PLPP4: variants seen among roughly 807,000 people sequenced by gnomAD.
The protein encoded by PLPP4 is phospholipid phosphatase 4.
In PLPP4, 20 loss-of-function variants were observed where a neutral mutation model predicts 32.2. The ratio of observed to expected loss-of-function variants is 0.62; its 90% CI spans 0.44 to 0.90. PLPP4 has a LOEUF of 0.90. PLPP4 is among the 40% of genes least tolerant of loss of function. The pLI, the probability that PLPP4 is intolerant of heterozygous loss-of-function variation, is 0.00. For synonymous variants in PLPP4, 127 were observed against 133.0 expected (o/e 0.95, Z 0.31); for missense variants, 257 against 353.1 (o/e 0.73, Z 2.18).
intron 6 of PLPP4, among the ~76,000 whole-genome samples, chr10:120,588,171 C>T (rs1384861953): frequency 2.0e-5 from 3 of 152,236 alleles, no homozygotes; most frequent in Non-Finnish European, 4.4e-5. Context: ...AGATTTTCCA[C>T]TGGACTAGAA....
intron 5 of PLPP4, among the ~76,000 whole-genome samples, chr10:120,559,626 T>G (rs560967032): frequency 1.3e-4 from 19 of 150,942 alleles, no homozygotes; most frequent in Non-Finnish European, 2.6e-4. Flanking sequence ...TGGATTTTTT[T>G]TTTCAATGAA....
At chr10:120,579,953 A>G (rs965785314) in intron 6 of PLPP4, among the ~76,000 whole-genome samples, 1 of 151,098 alleles carries the variant, frequency 6.6e-6, no homozygotes, top group African/African-American at 2.4e-5. Context: ...TAAAAAAAAA[A>G]AAAAAAATAC....
chr10:120,564,512 A>T (rs1039944908), intron 5 of PLPP4, among the ~76,000 whole-genome samples: 1 of 151,866 alleles, frequency 6.6e-6, no homozygotes, highest in African/African-American at 2.4e-5. Flanking sequence ...TATATGTCCT[A>T]TCTAATATTT....
chr10:120,496,377 T>C, intron 1 of PLPP4, among the ~76,000 whole-genome samples: 1 of 152,192 alleles, frequency 6.6e-6, no homozygotes, highest in East Asian at 1.9e-4. Flanking sequence ...TTCCCAACTT[T>C]GGGCTGCACC....
intron 5 of PLPP4, among the ~76,000 whole-genome samples, chr10:120,559,482 C>T (rs934577113): frequency 2.0e-5 from 3 of 152,088 alleles, no homozygotes; most frequent in Non-Finnish European, 4.4e-5. Context: ...ACTTTACATT[C>T]CTACTGCCCT....
chr10:120,462,607 A>G (rs1452458957), intron 1 of PLPP4, among the ~76,000 whole-genome samples: 1 of 152,162 alleles, frequency 6.6e-6, no homozygotes, highest in Non-Finnish European at 1.5e-5. Flanking sequence ...GTTTCCCAGG[A>G]TCATTTTTAC....
chr10:120,585,345 G>C (rs1034789229), intron 6 of PLPP4, among the ~76,000 whole-genome samples: 1 of 152,148 alleles, frequency 6.6e-6, no homozygotes, highest in Non-Finnish European at 1.5e-5. Flanking sequence ...GGTGACAAAC[G>C]TGTTTTTAAG....
At chr10:120,578,423 T>A (rs7090081) in intron 6 of PLPP4, among the ~76,000 whole-genome samples, 66,662 of 152,116 alleles carry the variant, frequency 0.44, 15,051 homozygotes, top group Non-Finnish European at 0.5. Flanking sequence ...CCCATTAGCA[T>A]CAGCAAAACT....
intron 2 of PLPP4, among the ~76,000 whole-genome samples, chr10:120,505,168 A>G (rs1176514327): frequency 1.3e-5 from 2 of 152,230 alleles, no homozygotes; most frequent in Non-Finnish European, 2.9e-5. Flanking sequence ...TCCAAGAGAG[A>G]TGAGGGAACT....
At chr10:120,532,019 A>G in intron 5 of PLPP4, among the ~76,000 whole-genome samples, 1 of 152,094 alleles carries the variant, frequency 6.6e-6, no homozygotes, top group East Asian at 1.9e-4. Flanking sequence ...CCATCAACCC[A>G]TCGTCTACAT....
At chr10:120,513,054 A>G (rs1029770661) in intron 2 of PLPP4, among the ~76,000 whole-genome samples, 1 of 152,198 alleles carries the variant, frequency 6.6e-6, no homozygotes, top group African/African-American at 2.4e-5. Context: ...ATAGTCATGA[A>G]GAAGCAACAA....
At chr10:120,552,407 G>C (rs1365365833) in intron 5 of PLPP4, among the ~76,000 whole-genome samples, 1 of 152,058 alleles carries the variant, frequency 6.6e-6, no homozygotes, top group Non-Finnish European at 1.5e-5. Flanking sequence ...CCAAAATCAG[G>C]GTGGTATATC....
intron 1 of PLPP4, among the ~76,000 whole-genome samples, chr10:120,469,797 T>A (rs1195207431): frequency 1.3e-5 from 2 of 152,230 alleles, no homozygotes; most frequent in African/African-American, 4.8e-5. Flanking sequence ...ATTTTTAAAC[T>A]CATTATCTCT....
chr10:120,500,302 G>A (rs1229912281), intron 1 of PLPP4, among the ~76,000 whole-genome samples: 1 of 152,204 alleles, frequency 6.6e-6, no homozygotes, highest in Non-Finnish European at 1.5e-5. Context: ...GGTTGTGTGA[G>A]AAGAAATAGG....
At chr10:120,461,024 G>A (rs1848020706) in intron 1 of PLPP4, among the ~76,000 whole-genome samples, 1 of 152,170 alleles carries the variant, frequency 6.6e-6, no homozygotes, top group African/African-American at 2.4e-5. Context: ...CATCCTGTGA[G>A]CAATTCCTTC....
At chr10:120,553,460 C>T (rs1848001372) in intron 5 of PLPP4, among the ~76,000 whole-genome samples, 1 of 152,192 alleles carries the variant, frequency 6.6e-6, no homozygotes, top group Non-Finnish European at 1.5e-5. Context: ...CTTCACTAGA[C>T]ATCAAATCTG....
chr10:120,514,197 C>A (rs1845845463), intron 3 of PLPP4, among the ~76,000 whole-genome samples, 196 bp downstream of exon 3: 1 of 152,212 alleles, frequency 6.6e-6, no homozygotes, highest in South Asian at 2.1e-4. Context: ...GATGTTCAGA[C>A]ACCGCCCACT....
intron 1 of PLPP4, among the ~76,000 whole-genome samples, chr10:120,478,305 G>C (rs1844028942): frequency 6.6e-6 from 1 of 152,218 alleles, no homozygotes; most frequent in Non-Finnish European, 1.5e-5. Context: ...GTTTCCCCAG[G>C]TGCAGCTTCC....
chr10:120,485,410 C>G (rs1844401901), intron 1 of PLPP4, among the ~76,000 whole-genome samples: 1 of 152,258 alleles, frequency 6.6e-6, no homozygotes, highest in South Asian at 2.1e-4. Context: ...ATACCCAAAC[C>G]CTAGTCTTGA....
Sources: allele counts gnomAD v4.1 joint callset (sites outside exome capture counted in the v4.1 genomes callset), GRCh38; gene constraint gnomAD v4.1.1; transcripts MANE v1.5; gene names NCBI Gene and HGNC (gene_info 2026-07-23, HGNC 2026-07-21).